GFRA1: variants seen among roughly 807,000 people sequenced by gnomAD.
The protein encoded by GFRA1 is GDNF family receptor alpha 1.
A neutral mutation model predicts 51.6 loss-of-function variants in GFRA1; 16 were observed. The observed-to-expected ratio is 0.31, with a 90% CI of 0.21 to 0.47. The LOEUF (loss-of-function observed/expected upper bound fraction) is 0.47, where lower values mean the gene tolerates loss of function less well. GFRA1 is among the 20% of genes least tolerant of loss of function. The probability of loss-of-function intolerance (pLI) is 1.00; values close to 1 mark genes in which losing one functional copy is unlikely to be tolerated. For missense variants in GFRA1, 530 were observed against 594.3 expected, an observed-to-expected ratio of 0.89 and a Z score of 1.13; for synonymous variants, 270 against 241.3, an observed-to-expected ratio of 1.12 and a Z score of -1.10.
At chr10:116,167,597 T>A (rs1418405270) in intron 5 of GFRA1, among the ~76,000 whole-genome samples, 1 of 151,998 alleles carries the variant, frequency 6.6e-6, no homozygotes, top group African/African-American at 2.4e-5. Flanking sequence ...TCCTTCCCAG[T>A]TTCTGCATTA....
At chr10:116,142,987 G>A (rs1393139976) in intron 5 of GFRA1, among the ~76,000 whole-genome samples, 2 of 152,252 alleles carry the variant, frequency 1.3e-5, no homozygotes, top group East Asian at 3.9e-4. Flanking sequence ...GTAAAGCACA[G>A]GTCCACTTCC....
intron 9 of GFRA1, among the ~76,000 whole-genome samples, chr10:116,075,879 G>C (rs1589766239): frequency 6.6e-6 from 1 of 152,046 alleles, no homozygotes; most frequent in Non-Finnish European, 1.5e-5. Flanking sequence ...CAAGTAGCTG[G>C]GACTACAGGT....
At chr10:116,265,266 T>G (rs1969572429) in intron 4 of GFRA1, among the ~76,000 whole-genome samples, 1 of 151,534 alleles carries the variant, frequency 6.6e-6, no homozygotes, top group East Asian at 2.0e-4. Flanking sequence ...TTCCAGCAAG[T>G]CAGGATGTTC....
intron 5 of GFRA1, among the ~76,000 whole-genome samples, chr10:116,176,727 T>A: frequency 3.0e-5 from 1 of 32,980 alleles, no homozygotes; most frequent in Admixed American, 4.7e-4. Context: ...CCTCCCTCCC[T>A]CCTTCCTTCC....
At chr10:116,093,909 T>G in intron 7 of GFRA1, 73 bp from the exon 8 acceptor site, 1 of 1,422,424 alleles carries the variant, frequency 7.0e-7, no homozygotes. Context: ...GAAACCAATA[T>G]TCCTCTGACG....
intron 5 of GFRA1, among the ~76,000 whole-genome samples, chr10:116,145,104 AT>A (rs528724549): frequency 4.7e-5 from 6 of 126,584 alleles, no homozygotes; most frequent in Admixed American, 1.1e-4. Flanking sequence ...AGTTGAGATC[AT>A]GCCACTGCAC....
At chr10:116,237,575 A>C (rs893197209) in intron 4 of GFRA1, among the ~76,000 whole-genome samples, 2 of 10,224 alleles carry the variant, frequency 2.0e-4, no homozygotes, top group African/African-American at 1.1e-3. Flanking sequence ...AACTAAAGGC[A>C]AAAAAAAAAA....
At chr10:116,186,970 G>A (rs11197575) in intron 5 of GFRA1, among the ~76,000 whole-genome samples, 3,626 of 152,218 alleles carry the variant, frequency 0.024, 156 homozygotes, top group African/African-American at 0.083. Context: ...ACAGGGTCAC[G>A]TCTCGGTCCC....
At chr10:116,159,497 A>T (rs1959517428) in intron 5 of GFRA1, among the ~76,000 whole-genome samples, 1 of 152,174 alleles carries the variant, frequency 6.6e-6, no homozygotes, top group Admixed American at 6.5e-5. Flanking sequence ...GTCATAGAAC[A>T]GGGGAAGTAC....
At chr10:116,167,923 T>A (rs1960642883) in intron 5 of GFRA1, among the ~76,000 whole-genome samples, 1 of 152,092 alleles carries the variant, frequency 6.6e-6, no homozygotes, top group Non-Finnish European at 1.5e-5. Context: ...AGAGTCCATA[T>A]AATGGACTTT....
At chr10:116,082,586 T>C (rs1241801185) in intron 9 of GFRA1, among the ~76,000 whole-genome samples, 2 of 152,144 alleles carry the variant, frequency 1.3e-5, no homozygotes, top group African/African-American at 4.8e-5. Flanking sequence ...ATTCAAGCGA[T>C]TCTCCTGCTT....
At position 116,105,916 on chromosome 10, in the gene GFRA1, T is replaced by C. The variant is rs113550455; in HGVS notation, c.771-9152A>G. On this transcript the variant is annotated intron_variant, in intron 6 of 10. Transcript: ENST00000355422. ...TAAAACCTGAGACCATTACAGTTCA[T>C]GGCAAAATGGACTTTGCAGATATAA... is the stretch of plus-strand genomic sequence containing the variant. Among the ~76,000 whole-genome samples, 692 of 152,304 alleles carry C rather than the reference T, an allele frequency of 4.5e-3. 5 individuals carry two copies. Among genetic ancestry groups the C allele is most frequent in the African/African-American group, 0.016 (663 of 41,576 alleles).
intron 5 of GFRA1, among the ~76,000 whole-genome samples, chr10:116,149,452 C>A (rs1026718990): frequency 2.0e-5 from 3 of 152,140 alleles, no homozygotes; most frequent in African/African-American, 7.2e-5. Context: ...GAACACATAG[C>A]TGAAGGGGTG....
chr10:116,115,644 G>A (rs1375048256), intron 6 of GFRA1, among the ~76,000 whole-genome samples: 1 of 152,112 alleles, frequency 6.6e-6, no homozygotes, highest in African/African-American at 2.4e-5. Context: ...ACAGGCTATT[G>A]ACGTCTTCCT....
At chr10:116,220,768 C>T (rs1275855554) in intron 4 of GFRA1, among the ~76,000 whole-genome samples, 2 of 152,186 alleles carry the variant, frequency 1.3e-5, no homozygotes, top group African/African-American at 2.4e-5. Flanking sequence ...CCTGAAGGAA[C>T]TTAAACAAAT....
intron 4 of GFRA1, among the ~76,000 whole-genome samples, chr10:116,240,636 C>T (rs1202424391): frequency 1.3e-5 from 2 of 152,188 alleles, no homozygotes; most frequent in African/African-American, 4.8e-5. Context: ...AGAACTGCGG[C>T]ATGATCTGCC....
chr10:116,184,251 G>A (rs182128767), intron 5 of GFRA1, among the ~76,000 whole-genome samples: 2 of 152,330 alleles, frequency 1.3e-5, no homozygotes, highest in Non-Finnish European at 2.9e-5. Context: ...CAGAGGAGCT[G>A]CCCACCAAAG....
At chr10:116,081,234 G>A (rs963127725) in intron 9 of GFRA1, among the ~76,000 whole-genome samples, 1 of 152,306 alleles carries the variant, frequency 6.6e-6, no homozygotes, top group South Asian at 2.1e-4. Context: ...AGCAAGGGCC[G>A]TCTTGTTGGG....
At chr10:116,118,660 A>T (rs1957524657) in intron 6 of GFRA1, among the ~76,000 whole-genome samples, 1 of 152,060 alleles carries the variant, frequency 6.6e-6, no homozygotes. Context: ...TTCCTTTTCC[A>T]TCCGCATTCA....
Sources: gnomAD v4.1 joint callset for allele counts (sites outside exome capture counted in the v4.1 genomes callset) on GRCh38, gnomAD v4.1.1 for gene constraint, MANE v1.5 for transcripts, NCBI Gene and HGNC (gene_info 2026-07-23, HGNC 2026-07-21) for gene names.